The following GDPD4 variants were observed in gnomAD, a reference collection of about 807,000 sequenced individuals.
The protein encoded by GDPD4 is glycerophosphodiester phosphodiesterase 6.
Under a neutral mutation model 67.8 loss-of-function variants are expected in GDPD4, and 60 were observed. The ratio of observed to expected loss-of-function variants is 0.88; its 90% confidence interval spans 0.72 to 1.10. GDPD4 has a LOEUF of 1.10. Among genes scored for constraint, GDPD4 ranks in the 50% least tolerant of loss-of-function variants. The pLI, the probability that GDPD4 is intolerant of heterozygous loss-of-function variation, is 0.00. For missense variants in GDPD4, 623 were observed against 613.9 expected, an observed-to-expected ratio of 1.01 and a Z score of -0.16; for synonymous variants, 212 against 210.9, an observed-to-expected ratio of 1.00 and a Z score of -0.04.
Position 77,279,042 on chromosome 11 carries a change from T to C in GDPD4, c.147+264A>G, listed in dbSNP as rs533553837. 3.3e-5 allele frequency among the ~76,000 whole-genome samples: 5 copies of C among 152,124 alleles called. No individual in the cohort carries two copies. The East Asian group carries it at 9.6e-4, about 29-fold the overall frequency. ...TAGGATAGGGTATGAAACAAGGAAATAGAAAAAGGATGTTGTTACACTTTC... is the reference window on the plus strand; with the variant it reads ...TAGGATAGGGTATGAAACAAGGAAACAGAAAAAGGATGTTGTTACACTTTC... On this transcript the variant is annotated intron_variant, in intron 4 of 16. Coordinates refer to ENST00000315938, the MANE Select transcript of GDPD4 (RefSeq NM_182833.3).
At chr11:77,238,866 C>T (rs1958611919) in intron 13 of GDPD4, among the ~76,000 whole-genome samples, 1 of 152,014 alleles carries the variant, frequency 6.6e-6, no homozygotes, top group Non-Finnish European at 1.5e-5. Flanking sequence ...TACCTTGATA[C>T]CAAAGCAAGA....
At chr11:77,271,924 A>G (rs554824958) in intron 5 of GDPD4, among the ~76,000 whole-genome samples, 1 of 152,216 alleles carries the variant, frequency 6.6e-6, no homozygotes, top group African/African-American at 2.4e-5. Context: ...TAAGCATCCA[A>G]TAAGTATTTA....
At position 77,297,359 on chromosome 11, in the gene GDPD4, C is replaced by T. The variant is rs181841323; in HGVS notation, c.-254+4246G>A. Among the ~76,000 whole-genome samples, 909 of 151,440 alleles carry T rather than the reference C, an allele frequency of 6.0e-3. 7 individuals carry two copies. The highest frequency in any genetic ancestry group is 0.021 in the African/African-American group (879 of 41,308). On this transcript the variant is annotated intron_variant, in intron 1 of 16. Transcript: ENST00000315938. ...CAGGAGATCAAGACCACGGTAAAACCCTATCTCTACTAAAAAATACAAAAA... is the reference window on the plus strand; with the variant it reads ...CAGGAGATCAAGACCACGGTAAAACTCTATCTCTACTAAAAAATACAAAAA...
intron 16 of GDPD4, among the ~76,000 whole-genome samples, chr11:77,223,484 C>T (rs1195616483): frequency 3.3e-5 from 5 of 152,080 alleles, no homozygotes; most frequent in African/African-American, 9.7e-5. Context: ...GCTGGAGGTC[C>T]ACTCCAGACC....
At chr11:77,224,939 CTTTTTTTT>C (rs200235129) in intron 16 of GDPD4, among the ~76,000 whole-genome samples, 1 of 143,404 alleles carries the variant, frequency 7.0e-6, no homozygotes, top group Non-Finnish European at 1.5e-5. Flanking sequence ...CCATCTCTAC[CTTTTTTTT>C]TTTTTAATTA....
intron 5 of GDPD4, among the ~76,000 whole-genome samples, chr11:77,275,925 G>A (rs937325401): frequency 3.9e-5 from 6 of 152,200 alleles, no homozygotes; most frequent in Non-Finnish European, 8.8e-5. Flanking sequence ...AGGAAGTAGT[G>A]AGAACAAATA....
Position 77,301,634 on chromosome 11 carries a change from A to G in GDPD4, c.-283T>C, listed in dbSNP as rs1938164241. On this transcript the variant is annotated 5_prime_UTR_variant, in exon 1 of 17. Coordinates refer to ENST00000315938, the MANE Select transcript of GDPD4 (RefSeq NM_182833.3). The stretch of plus-strand genomic sequence containing the variant: ...ACTTCCCAGTCCCAACCCAAATCCA[A>G]TCTTCACGCCTGAGGAGACCAGCGT... The G allele has an allele frequency of 1.3e-5, 2 of 152,112 alleles. No homozygotes were observed. The highest frequency in any genetic ancestry group is 6.5e-5 in the Admixed American group (1 of 15,268). The allele number at this position is 152,112 out of a possible 1,614,324, so 9.4% of individuals were successfully genotyped here. A position where few individuals can be genotyped will look rare whatever the true frequency, so the allele number is the denominator to read the frequency against.
At chr11:77,244,174 C>G (rs1213563833) in intron 12 of GDPD4, among the ~76,000 whole-genome samples, 2 of 152,152 alleles carry the variant, frequency 1.3e-5, no homozygotes, top group African/African-American at 4.8e-5. Flanking sequence ...CGCTACCACA[C>G]CCGGCTAATT....
intron 13 of GDPD4, among the ~76,000 whole-genome samples, chr11:77,242,127 T>C (rs1958679858): frequency 6.6e-6 from 1 of 152,074 alleles, no homozygotes; most frequent in South Asian, 2.1e-4. Flanking sequence ...CACAGCAGGG[T>C]AACTACAGTC....
intron 13 of GDPD4, among the ~76,000 whole-genome samples, chr11:77,241,663 G>C (rs1387164027): frequency 2.5e-3 from 80 of 32,024 alleles, no homozygotes; most frequent in African/African-American, 7.2e-3. Context: ...AAAAAAAAAA[G>C]GCCTGGCACA....
At chr11:77,273,929 T>C (rs903761381) in intron 5 of GDPD4, among the ~76,000 whole-genome samples, 3 of 152,192 alleles carry the variant, frequency 2.0e-5, no homozygotes, top group Admixed American at 6.5e-5. Flanking sequence ...CCATCCTGTA[T>C]GCCTGAAAAA....
chr11:77,289,773 C>T (rs1238672744), intron 1 of GDPD4, among the ~76,000 whole-genome samples: 3 of 111,332 alleles, frequency 2.7e-5, no homozygotes, highest in Admixed American at 2.4e-4. Flanking sequence ...AAGGAGGGAG[C>T]GAGGGAGGGG....
intron 16 of GDPD4, among the ~76,000 whole-genome samples, chr11:77,227,445 G>C (rs1958364035): frequency 6.6e-6 from 1 of 152,184 alleles, no homozygotes; most frequent in Non-Finnish European, 1.5e-5. Context: ...GCCCAGTGAT[G>C]TCAATGCTAT....
intron 1 of GDPD4, among the ~76,000 whole-genome samples, chr11:77,292,003 C>G (rs1015149634): frequency 2.0e-5 from 3 of 152,026 alleles, no homozygotes; most frequent in African/African-American, 7.3e-5. Flanking sequence ...GCACTCCAGC[C>G]TGGGCAACAA....
At chr11:77,291,324 C>T (rs1937769160) in intron 1 of GDPD4, among the ~76,000 whole-genome samples, 1 of 152,104 alleles carries the variant, frequency 6.6e-6, no homozygotes, top group African/African-American at 2.4e-5. Context: ...AAGTTGATCT[C>T]ATGGAGGTAA....
chr11:77,275,376 G>A (rs1230373037), intron 5 of GDPD4, among the ~76,000 whole-genome samples: 1 of 152,158 alleles, frequency 6.6e-6, no homozygotes, highest in Non-Finnish European at 1.5e-5. Flanking sequence ...TAGACCCTGT[G>A]AAAGAAATCA....
rs1298482745 is a variant in GDPD4, at chr11:77,217,048, G to A, written c.*229C>T. ...TAGCCTGCCTGGTGGGTGCTTGGGT[G>A]AGTTCAAAGACCACGGTGGGCATCG... is the stretch of plus-strand genomic sequence containing the variant. On this transcript the variant is annotated 3_prime_UTR_variant, in exon 17 of 17. Coordinates refer to ENST00000315938, the MANE Select transcript of GDPD4 (RefSeq NM_182833.3). The A allele has an allele frequency of 1.4e-6, 1 of 704,102 alleles. No individual in the cohort carries two copies. Among genetic ancestry groups the A allele is most frequent in the East Asian group, 2.7e-5 (1 of 37,282 alleles). 43.6% of individuals were successfully genotyped at this position (704,102 alleles called of 1,614,324 possible). A position where few individuals can be genotyped will look rare whatever the true frequency, so the allele number is the denominator to read the frequency against.
chr11:77,287,327 C>G lies in GDPD4; in HGVS notation c.-160G>C, dbSNP rs546295543. 4.6e-5 allele frequency: 7 copies of G among 152,284 alleles called. No homozygotes were observed. Among genetic ancestry groups the G allele is most frequent in the South Asian group, 2.1e-4 (1 of 4,824 alleles). The allele number at this position is 152,284 out of a possible 1,614,324, so 9.4% of individuals were successfully genotyped here. ...GACAAAGCATTTGTGGTTGAAGATG[C>G]GTGGAATCCATGGATTAAGCTTTTT... On this transcript the variant is annotated 5_prime_UTR_variant, in exon 2 of 17. Transcript: ENST00000315938.
intron 11 of GDPD4, among the ~76,000 whole-genome samples, chr11:77,247,279 T>G (rs1014876303): frequency 9.9e-5 from 15 of 152,218 alleles, no homozygotes; most frequent in African/African-American, 3.6e-4. Flanking sequence ...AAGATTTTGT[T>G]AGCTACTACC....
Sources: allele counts gnomAD v4.1 joint callset (sites outside exome capture counted in the v4.1 genomes callset), GRCh38; gene constraint gnomAD v4.1.1; transcripts MANE v1.5; gene names NCBI Gene and HGNC (gene_info 2026-07-23, HGNC 2026-07-21).